TOM1: variants seen among roughly 807,000 people sequenced by gnomAD.
TOM1 encodes the protein target of Myb protein 1.
A neutral mutation model predicts 61.3 loss-of-function variants in TOM1; 38 were observed. The observed-to-expected ratio is 0.62, with a 90% CI of 0.48 to 0.81. TOM1 has a LOEUF of 0.81. Ranked by LOEUF, TOM1 falls within the 40% of genes least tolerant of loss-of-function variation. The pLI is 0.00. For missense variants in TOM1, 591 were observed against 659.6 expected (o/e 0.90, Z 1.14); for synonymous variants, 270 against 268.8 (o/e 1.00, Z -0.04).
intron 1 of TOM1, among the ~76,000 whole-genome samples, chr22:35,314,815 G>A (rs924968767): frequency 6.6e-6 from 1 of 152,232 alleles, no homozygotes; most frequent in Non-Finnish European, 1.5e-5. Flanking sequence ...CAGCGTCAGC[G>A]GCTGCCCCGC....
chr22:35,310,961 G>A (rs1410495871), intron 1 of TOM1: 1 of 152,560 alleles, frequency 6.6e-6, no homozygotes, highest in Non-Finnish European at 1.5e-5. Context: ...GGCGGGGTGG[G>A]GGGTGTCAGG....
intron 2 of TOM1, chr22:35,321,741 G>A (rs1464417861): frequency 1.5e-6 from 1 of 680,892 alleles, no homozygotes; most frequent in African/African-American, 1.8e-5. Flanking sequence ...TTTTCTCAAA[G>A]TGACTCTGCT....
At chr22:35,328,409 A>ACTTGGTTC (rs1246297903) in intron 7 of TOM1, among the ~76,000 whole-genome samples, 5 of 152,180 alleles carry the variant, frequency 3.3e-5, no homozygotes, top group African/African-American at 1.2e-4. Flanking sequence ...CTATATGTGG[A>ACTTGGTTC]CACTTGGTTC....
chr22:35,314,727 G>A (rs1355929933), intron 1 of TOM1, among the ~76,000 whole-genome samples: 5 of 152,070 alleles, frequency 3.3e-5, no homozygotes, highest in Non-Finnish European at 4.4e-5. Flanking sequence ...TGGTCAGGAA[G>A]GACACTTCTG....
chr22:35,339,899 G>T (rs983641362), intron 12 of TOM1, among the ~76,000 whole-genome samples: 1 of 116,600 alleles, frequency 8.6e-6, no homozygotes, highest in Non-Finnish European at 2.1e-5. Context: ...GCGAGACTCC[G>T]TCTCAAAAAA....
chr22:35,305,467 C>T (rs1926243478), intron 1 of TOM1, among the ~76,000 whole-genome samples: 1 of 152,164 alleles, frequency 6.6e-6, no homozygotes, highest in Non-Finnish European at 1.5e-5. Flanking sequence ...TGAGACCATC[C>T]TGGCCAACAT....
intron 11 of TOM1, 118 bp from the exon 12 acceptor site, chr22:35,338,595 C>T (rs1214286617): frequency 4.0e-6 from 3 of 746,574 alleles, no homozygotes; most frequent in East Asian, 3.2e-5. Context: ...ACCCTTTTTA[C>T]CATTTCCAGG....
At chr22:35,346,074 C>A (rs1039177902) in intron 13 of TOM1, among the ~76,000 whole-genome samples, 1 of 152,230 alleles carries the variant, frequency 6.6e-6, no homozygotes, top group South Asian at 2.1e-4. Context: ...GAGAGGCTAA[C>A]CGAGGAAGCA....
At chr22:35,346,798 T>G (rs1930536623) in intron 13 of TOM1, 132 bp from the exon 14 acceptor site, 3 of 813,090 alleles carry the variant, frequency 3.7e-6, no homozygotes, top group Admixed American at 2.4e-5. Context: ...ACCTGGGTGG[T>G]GGGGGCGTGC....
intron 1 of TOM1, among the ~76,000 whole-genome samples, chr22:35,309,158 A>G (rs1926600609): frequency 6.6e-6 from 1 of 152,156 alleles, no homozygotes; most frequent in African/African-American, 2.4e-5. Flanking sequence ...CTTGAAATGT[A>G]TACACTCCTC....
chr22:35,340,552 A>G (rs1929787153), intron 12 of TOM1, among the ~76,000 whole-genome samples: 1 of 151,968 alleles, frequency 6.6e-6, no homozygotes, highest in Non-Finnish European at 1.5e-5. Context: ...TTCAAGACCA[A>G]CCTGGGCAAC....
At chr22:35,333,130 A>G (rs1341446486) in intron 9 of TOM1, 116 bp downstream of exon 9, 2 of 1,187,792 alleles carry the variant, frequency 1.7e-6, no homozygotes, top group East Asian at 4.7e-5. Context: ...ATCCAGGCCC[A>G]TAGAGAAATC....
chr22:35,318,897 C>T (rs1412523155), intron 2 of TOM1, among the ~76,000 whole-genome samples: 1 of 152,228 alleles, frequency 6.6e-6, no homozygotes, highest in African/African-American at 2.4e-5. Context: ...TCCTCTCAGC[C>T]CGGGAGGGCT....
rs1928083858 is a variant in TOM1 at position 35,323,927 on chromosome 22, G to A, written c.648+13G>A. On this transcript the variant is annotated intron_variant, in intron 6 of 14. Coordinates refer to ENST00000449058, the MANE Select transcript of TOM1 (RefSeq NM_005488.3). The surrounding 1 kb of genome is among the most constrained non-coding windows in gnomAD (Gnocchi z 4.2). ...AACCCCGGAACAGGTAAACGAGCCT[G>A]GGGTCAGAACCGTCAGGTCCAGGCA... The A allele has an allele frequency of 6.5e-7, 1 of 1,543,796 alleles. No homozygotes were observed. The highest frequency in any genetic ancestry group is 1.3e-5 in the South Asian group (1 of 79,884).
Position 35,322,046 on chromosome 22 carries a change from C to G in TOM1, c.216+9C>G. Reference sequence around the variant, plus strand: ...TGATGCTGGCTCTCACAGTGAGTGCCCCATCTGTCTGTCCTGTGGCAGGAC... The same window carrying G: ...TGATGCTGGCTCTCACAGTGAGTGCGCCATCTGTCTGTCCTGTGGCAGGAC... On this transcript the variant is annotated intron_variant, in intron 3 of 14. Transcript: ENST00000449058. 3.1e-6 allele frequency: 5 copies of G among 1,613,638 alleles called. No individual in the cohort carries two copies. Among genetic ancestry groups the G allele is most frequent in the Non-Finnish European group, 4.2e-6 (5 of 1,179,604 alleles).
intron 2 of TOM1, among the ~76,000 whole-genome samples, chr22:35,319,943 A>T (rs1267381196): frequency 1.3e-5 from 2 of 151,912 alleles, no homozygotes; most frequent in African/African-American, 4.8e-5. Context: ...CTCTGCCTTC[A>T]CTCCTGCTGA....
intron 12 of TOM1, among the ~76,000 whole-genome samples, chr22:35,343,022 C>T (rs111165352): frequency 0.27 from 34,163 of 127,580 alleles, 4,446 homozygotes; most frequent in African/African-American, 0.45. Context: ...CATCTACACC[C>T]ACCACACACA....
chr22:35,306,009 T>C (rs1486477915), intron 1 of TOM1, among the ~76,000 whole-genome samples: 1 of 152,204 alleles, frequency 6.6e-6, no homozygotes, highest in African/African-American at 2.4e-5. Context: ...AGTTCTGCCA[T>C]TATAGCACAA....
At chr22:35,312,461 T>G (rs878940849) in intron 1 of TOM1, among the ~76,000 whole-genome samples, 2 of 152,090 alleles carry the variant, frequency 1.3e-5, no homozygotes, top group African/African-American at 4.8e-5. Flanking sequence ...CCTGGACAGG[T>G]GTTGAGAATG....
Sources: gnomAD v4.1 joint callset for allele counts (sites outside exome capture counted in the v4.1 genomes callset) on GRCh38, gnomAD v4.1.1 for gene constraint, Gnocchi (gnomAD v3.1) non-coding constraint, MANE v1.5 for transcripts, NCBI Gene and HGNC (gene_info 2026-07-23, HGNC 2026-07-21) for gene names.